ZC3H12B: variants seen among roughly 807,000 people sequenced by gnomAD.
ZC3H12B encodes zinc finger CCCH-type containing 12B, also known as probable ribonuclease ZC3H12B.
A neutral mutation model predicts 43.9 loss-of-function variants in ZC3H12B; 7 were observed. The ratio of observed to expected loss-of-function variants is 0.16; its 90% CI spans 0.09 to 0.30. ZC3H12B has a LOEUF of 0.30. ZC3H12B is among the 10% of genes least tolerant of loss of function. The pLI is 1.00. For synonymous variants in ZC3H12B, 222 were observed against 241.7 expected, an observed-to-expected ratio of 0.92 and a Z score of 0.76; for missense variants, 475 against 670.2, an observed-to-expected ratio of 0.71 and a Z score of 3.22.
chrX:65,349,577 C>T, the ZC3H12B span, among the ~76,000 whole-genome samples: 1 of 111,311 alleles, frequency 9.0e-6, no homozygotes, highest in Non-Finnish European at 1.9e-5. Context: ...AATCCAGGAG[C>T]TGTTTTTTGA....
the ZC3H12B span, among the ~76,000 whole-genome samples, chrX:65,121,722 G>C: frequency 9.0e-6 from 1 of 111,116 alleles, no homozygotes; most frequent in Non-Finnish European, 1.9e-5. Flanking sequence ...TGCTTCTCTA[G>C]TTCTTTTAAT....
At chrX:65,082,011 C>T in the ZC3H12B span, among the ~76,000 whole-genome samples, 1 of 111,798 alleles carries the variant, frequency 8.9e-6, no homozygotes, top group African/African-American at 3.2e-5. Flanking sequence ...AAACAGTGTG[C>T]TCCTGAATGA....
the ZC3H12B span, among the ~76,000 whole-genome samples, chrX:65,162,743 G>C: frequency 5.5e-5 from 6 of 109,183 alleles, 1 homozygote; most frequent in African/African-American, 2.1e-4. Flanking sequence ...TAGTTTGATC[G>C]TCTGAAGCCT....
At chrX:65,326,125 G>T in the ZC3H12B span, among the ~76,000 whole-genome samples, 4 of 111,633 alleles carry the variant, frequency 3.6e-5, no homozygotes, top group African/African-American at 9.7e-5. Context: ...CCTGAGCAAT[G>T]TTATTTAATA....
At position 65,500,143 on chromosome X, in the gene ZC3H12B, T is replaced by C. The variant is rs1264043716; in HGVS notation, c.1090+154T>C. Among the ~76,000 whole-genome samples the C allele has an allele frequency of 2.7e-5, 3 of 112,439 alleles. No individual in the cohort carries two copies. The Admixed American group carries it at 2.8e-4, about 11-fold the overall frequency. On this transcript the variant is annotated intron_variant, in intron 4 of 4. Coordinates refer to ENST00000338957, the Ensembl canonical transcript of ZC3H12B. ...TTGTGTCTTCGTGTACACTGTTAGGTATTTAAAGAAAAATCTTAGAAACTG... is the reference window on the plus strand; with the variant it reads ...TTGTGTCTTCGTGTACACTGTTAGGCATTTAAAGAAAAATCTTAGAAACTG...
exon 5 of ZC3H12B, chrX:65,502,322 G>C: frequency 8.3e-7 from 1 of 1,211,158 alleles, no homozygotes; most frequent in Non-Finnish European, 1.1e-6. Context: ...ATCCATGGGG[G>C]ACCATGGCTA....
the ZC3H12B span, among the ~76,000 whole-genome samples, chrX:65,086,943 A>C: frequency 9.1e-6 from 1 of 109,931 alleles, no homozygotes; most frequent in Non-Finnish European, 1.9e-5. Context: ...ATGGATACCC[A>C]CCTTACTCTG....
chrX:65,039,942 A>G, the ZC3H12B span, among the ~76,000 whole-genome samples: 2 of 111,714 alleles, frequency 1.8e-5, no homozygotes, highest in African/African-American at 6.5e-5. Context: ...TTGCGTGTTT[A>G]CCATCTAAAC....
chrX:65,352,060 A>G, the ZC3H12B span, among the ~76,000 whole-genome samples: 1 of 112,337 alleles, frequency 8.9e-6, no homozygotes, highest in Non-Finnish European at 1.9e-5. Context: ...AAGACTTGGA[A>G]CCAACCCAAA....
rs183890309 is a variant in ZC3H12B at position 65,415,886 on chromosome X, C to T, written n.407+17182C>T. ...GTTATCATTATTACTGTCTTTAGATCGCTTGAGATTCAGTTTCAAGTAATC... is the reference window on the plus strand; with the variant it reads ...GTTATCATTATTACTGTCTTTAGATTGCTTGAGATTCAGTTTCAAGTAATC... On this transcript the variant is annotated intron_variant and non_coding_transcript_variant, in intron 3 of 5. Coordinates refer to the ZC3H12B transcript ENST00000617377. Among the ~76,000 whole-genome samples the T allele has an allele frequency of 5.4e-5, 6 of 111,953 alleles. No individual in the cohort carries two copies. The East Asian group carries it at 1.4e-3, about 26-fold the overall frequency.
chrX:65,316,169 T>C, the ZC3H12B span, among the ~76,000 whole-genome samples: 2 of 111,586 alleles, frequency 1.8e-5, no homozygotes, highest in Non-Finnish European at 3.8e-5. Context: ...CCAAAAAAGA[T>C]GGGATTATGT....
chrX:65,093,527 G>T, the ZC3H12B span, among the ~76,000 whole-genome samples: 1 of 112,378 alleles, frequency 8.9e-6, no homozygotes, highest in South Asian at 3.7e-4. Flanking sequence ...GGCCTTGAGA[G>T]CCCACCCCTT....
the ZC3H12B span, among the ~76,000 whole-genome samples, chrX:65,075,085 G>T: frequency 8.9e-6 from 1 of 111,963 alleles, no homozygotes; most frequent in Non-Finnish European, 1.9e-5. Context: ...CTTTGTGCAA[G>T]GAAAGACCTT....
chrX:65,309,688 C>T, the ZC3H12B span, among the ~76,000 whole-genome samples: 768 of 111,587 alleles, frequency 6.9e-3, 9 homozygotes, highest in African/African-American at 0.023. Context: ...AGAGACACAA[C>T]GAAAAAGAGA....
chrX:65,450,874 TATAC>T (rs1345196671), intron 3 of ZC3H12B, among the ~76,000 whole-genome samples: 1 of 90,494 alleles, frequency 1.1e-5, no homozygotes, highest in Non-Finnish European at 2.1e-5. Flanking sequence ...TATGTATATA[TATAC>T]ATATGTGTAT....
At position 65,378,977 on chromosome X, in the gene ZC3H12B, A is replaced by G. The variant is rs1602344047; in HGVS notation, n.295+9979A>G. On this transcript the variant is annotated intron_variant and non_coding_transcript_variant, in intron 2 of 5. Transcript: ENST00000617377. Reference sequence around the variant, plus strand: ...GTCCTATGCCCACGGAGTCTCATTGATTGCTAGCACAGCAGTCTGCGATCA... The same window carrying G: ...GTCCTATGCCCACGGAGTCTCATTGGTTGCTAGCACAGCAGTCTGCGATCA... Among the ~76,000 whole-genome samples, 4 of 112,346 alleles carry G rather than the reference A, an allele frequency of 3.6e-5. No individual in the cohort carries two copies. In the Admixed American group the frequency reaches 3.7e-4, roughly 11 times the overall value.
chrX:65,359,625 T>A, the ZC3H12B span, among the ~76,000 whole-genome samples: 1 of 112,158 alleles, frequency 8.9e-6, no homozygotes, highest in Admixed American at 9.5e-5. Context: ...GTAACAGAAT[T>A]GCTGCAGTCT....
intron 2 of ZC3H12B, among the ~76,000 whole-genome samples, chrX:65,377,166 A>G (rs1370755225): frequency 2.8e-5 from 3 of 108,780 alleles, no homozygotes; most frequent in African/African-American, 1.0e-4. Context: ...AATCAAGCAG[A>G]AGAACAAATT....
chrX:65,085,535 G>A, the ZC3H12B span, among the ~76,000 whole-genome samples: 1 of 111,137 alleles, frequency 9.0e-6, no homozygotes, highest in African/African-American at 3.3e-5. Flanking sequence ...CAGTTTGTGT[G>A]GCCGAGGCTG....
Sources: gnomAD v4.1 joint callset for allele counts (sites outside exome capture counted in the v4.1 genomes callset) on GRCh38, gnomAD v4.1.1 for gene constraint, MANE v1.5 for transcripts, NCBI Gene and HGNC (gene_info 2026-07-23, HGNC 2026-07-21) for gene names.